The following TBX15 variants were observed in gnomAD, a reference collection of about 807,000 sequenced individuals.
The protein encoded by TBX15 is T-box transcription factor 15.
Under a neutral mutation model 53.9 loss-of-function variants are expected in TBX15, and 18 were observed. The observed-to-expected ratio is 0.33, with a 90% CI of 0.23 to 0.49. TBX15 has a LOEUF of 0.49. Ranked by LOEUF, TBX15 falls within the 20% of genes least tolerant of loss-of-function variation. TBX15 has a pLI of 0.98. For synonymous variants in TBX15, 295 were observed against 278.0 expected, an observed-to-expected ratio of 1.06 and a Z score of -0.61; for missense variants, 692 against 749.5, an observed-to-expected ratio of 0.92 and a Z score of 0.90.
intron 7 of TBX15, chr1:118,890,807 G>T: frequency 8.9e-7 from 1 of 1,121,206 alleles, no homozygotes; most frequent in Non-Finnish European, 1.2e-6. Flanking sequence ...CCCCAAAATT[G>T]AAAAACAGTA....
At chr1:118,934,545 A>T (rs941216332) in intron 1 of TBX15, among the ~76,000 whole-genome samples, 2 of 152,224 alleles carry the variant, frequency 1.3e-5, no homozygotes, top group African/African-American at 4.8e-5. Context: ...GTGTTTATTG[A>T]GTGCTTACTA....
intron 1 of TBX15, among the ~76,000 whole-genome samples, chr1:118,981,380 C>G (rs1356865464): frequency 1.3e-5 from 2 of 151,718 alleles, no homozygotes; most frequent in African/African-American, 2.4e-5. Flanking sequence ...ACATCCAATT[C>G]AGAACTGATA....
At chr1:118,893,493 A>AG (rs1289643755) in intron 7 of TBX15, among the ~76,000 whole-genome samples, 2 of 103,450 alleles carry the variant, frequency 1.9e-5, no homozygotes, top group Non-Finnish European at 3.6e-5. Flanking sequence ...AAGGAAAGAA[A>AG]GAAAGAAAGA....
chr1:118,934,402 A>G (rs1322118450), intron 1 of TBX15, among the ~76,000 whole-genome samples: 1 of 152,178 alleles, frequency 6.6e-6, no homozygotes, highest in Non-Finnish European at 1.5e-5. Flanking sequence ...GGTATTCTAT[A>G]AGGGTTTATA....
At chr1:118,960,075 A>G (rs986857468) in intron 1 of TBX15, among the ~76,000 whole-genome samples, 16 of 152,162 alleles carry the variant, frequency 1.1e-4, no homozygotes, top group African/African-American at 3.9e-4. Flanking sequence ...GAGAAAAAAA[A>G]AAAAAAAGAA....
chr1:118,958,840 A>T (rs1200497577), intron 1 of TBX15, among the ~76,000 whole-genome samples: 2 of 152,214 alleles, frequency 1.3e-5, no homozygotes, highest in East Asian at 3.9e-4. Context: ...GAAGAAAAAT[A>T]TTAAACAGCT....
intron 6 of TBX15, among the ~76,000 whole-genome samples, chr1:118,913,773 T>C (rs1655101048): frequency 6.6e-6 from 1 of 152,218 alleles, no homozygotes. Context: ...ATGAGAAATA[T>C]ATGAGATATC....
chr1:118,923,474 T>G lies in TBX15; in HGVS notation c.823A>C (p.Thr275Pro). 1 of 1,613,938 alleles carries G rather than the reference T, an allele frequency of 6.2e-7. No individual in the cohort carries two copies. Among genetic ancestry groups the G allele is most frequent in the Non-Finnish European group, 8.5e-7 (1 of 1,179,934 alleles). Reference sequence around the variant, plus strand: ...TAGGCCGTAACTGTGGTGAACACAGTCTCAGGAAAGTTGAACGTTTTCACC... The same window carrying G: ...TAGGCCGTAACTGTGGTGAACACAGGCTCAGGAAAGTTGAACGTTTTCACC... The part of the protein sequence containing the change: ...DGVKTFNFPE[T>P]VFTTVTAYQN... Residue 275 changes from threonine to proline, a missense_variant, in exon 5 of 8, where the codon ACT (threonine) becomes CCT (proline). Thr to Pro is a conservative substitution (Grantham distance 38, BLOSUM62 -1). Coordinates refer to ENST00000369429, the MANE Select transcript of TBX15 (RefSeq NM_001330677.2).
intron 1 of TBX15, among the ~76,000 whole-genome samples, chr1:118,986,990 C>A (rs180771932): frequency 7.0e-4 from 107 of 152,338 alleles, no homozygotes; most frequent in African/African-American, 2.3e-3. Context: ...CGTACCCACA[C>A]CCTAAATACA....
chr1:118,913,257 AAC>A (rs907978259), intron 6 of TBX15, among the ~76,000 whole-genome samples: 3 of 152,190 alleles, frequency 2.0e-5, no homozygotes, highest in African/African-American at 7.2e-5. Flanking sequence ...TATTAAAATA[AAC>A]AGTCATTGCA....
intron 2 of TBX15, among the ~76,000 whole-genome samples, chr1:118,927,837 A>G (rs1655648932): frequency 6.6e-6 from 1 of 152,266 alleles, no homozygotes; most frequent in Admixed American, 6.5e-5. Context: ...GCTCTTTTGT[A>G]TCAAGCCGGA....
chr1:118,973,966 G>A (rs1201949287), intron 1 of TBX15, among the ~76,000 whole-genome samples: 2 of 152,180 alleles, frequency 1.3e-5, no homozygotes, highest in Non-Finnish European at 2.9e-5. Flanking sequence ...TGTACCAGAT[G>A]GGATCTAATG....
At chr1:118,922,835 G>C (rs1325456177) in intron 5 of TBX15, among the ~76,000 whole-genome samples, 2 of 152,140 alleles carry the variant, frequency 1.3e-5, no homozygotes, top group East Asian at 3.8e-4. Flanking sequence ...CTCTGTAACT[G>C]ATCTCAATGA....
chr1:118,987,543 G>T, intron 1 of TBX15, 48 bp downstream of exon 1: 1 of 1,522,418 alleles, frequency 6.6e-7, no homozygotes, highest in East Asian at 2.5e-5. Context: ...CTGGCCCTTC[G>T]GCGTCCCCTC....
chr1:118,966,782 A>C (rs1303466138), intron 1 of TBX15, among the ~76,000 whole-genome samples: 7 of 152,242 alleles, frequency 4.6e-5, no homozygotes, highest in Admixed American at 4.6e-4. Flanking sequence ...TTTTGAGAGA[A>C]TAAAATAAAA....
At chr1:118,903,606 C>T (rs1033846362) in intron 6 of TBX15, among the ~76,000 whole-genome samples, 3 of 152,018 alleles carry the variant, frequency 2.0e-5, no homozygotes, top group Non-Finnish European at 4.4e-5. Context: ...ACAAAGACAA[C>T]GTATGCTATA....
intron 1 of TBX15, among the ~76,000 whole-genome samples, chr1:118,977,904 A>C (rs1162827037): frequency 6.6e-6 from 1 of 152,202 alleles, no homozygotes; most frequent in African/African-American, 2.4e-5. Flanking sequence ...ATCAGACTCA[A>C]ATAGTAATGA....
At chr1:118,955,429 G>A (rs1314847872) in intron 1 of TBX15, among the ~76,000 whole-genome samples, 1 of 152,126 alleles carries the variant, frequency 6.6e-6, no homozygotes, top group African/African-American at 2.4e-5. Flanking sequence ...AAAGCATTTG[G>A]TGTTGTTTCA....
At position 118,883,806 on chromosome 1, in the gene TBX15, T is replaced by G. The variant is rs1653812852; in HGVS notation, c.*926A>C. On this transcript the variant is annotated 3_prime_UTR_variant, in exon 8 of 8. Transcript: ENST00000369429. ...GCCAGAGAGGTTTACTCCTCAGTAA[T>G]GCCATGATTCTTTCCATAACCTGTA... 1.4e-5 allele frequency: 2 copies of G among 143,116 alleles called. No individual in the cohort carries two copies. Among genetic ancestry groups the G allele is most frequent in the Non-Finnish European group, 3.1e-5 (2 of 65,320 alleles). The allele number at this position is 143,116 out of a possible 1,614,324, so 8.9% of individuals were successfully genotyped here.
Sources: gnomAD v4.1 joint callset for allele counts (sites outside exome capture counted in the v4.1 genomes callset) on GRCh38, gnomAD v4.1.1 for gene constraint, MANE v1.5 for transcripts, NCBI Gene and HGNC (gene_info 2026-07-23, HGNC 2026-07-21) for gene names.